The following PRKCB variants were observed in gnomAD, a reference collection of about 807,000 sequenced individuals.
PRKCB encodes the protein protein kinase C beta type.
In PRKCB, 13 loss-of-function variants were observed where a neutral mutation model predicts 81.5. That is an observed-to-expected ratio of 0.16 (90% confidence interval 0.10 to 0.25). The LOEUF is 0.25. Ranked by LOEUF, PRKCB falls within the 10% of genes least tolerant of loss-of-function variation. The probability of loss-of-function intolerance (pLI) is 1.00; values close to 1 mark genes in which losing one functional copy is unlikely to be tolerated. For synonymous variants in PRKCB, 335 were observed against 321.4 expected (o/e 1.04, Z -0.45); for missense variants, 509 against 875.7 (o/e 0.58, Z 5.29).
rs533108641 is a variant in PRKCB, at chr16:24,036,210, C to G, written c.529+663C>G. ...GGAGATGCAGTGAGAGGAGGAGCTG[C>G]TGGTGGTGGTGGTGGTGGTGGTGGT... On this transcript the variant is annotated intron_variant, in intron 5 of 16. Transcript: ENST00000643927. Among the ~76,000 whole-genome samples the G allele has an allele frequency of 2.6e-4, 39 of 151,094 alleles. No individual in the cohort carries two copies. The East Asian group carries it at 6.8e-3, about 26-fold the overall frequency.
At chr16:24,169,227 C>G (rs1182614022) in intron 10 of PRKCB, among the ~76,000 whole-genome samples, 2 of 152,284 alleles carry the variant, frequency 1.3e-5, no homozygotes, top group East Asian at 3.9e-4. Context: ...CCAGTAACTC[C>G]TGCTGCCTCG....
At chr16:23,850,153 CT>C (rs904968963) in intron 2 of PRKCB, among the ~76,000 whole-genome samples, 4 of 151,914 alleles carry the variant, frequency 2.6e-5, no homozygotes, top group South Asian at 2.1e-4. Context: ...TAATTTCTCT[CT>C]TTTTTTTAAA....
Position 23,836,030 on chromosome 16 carries a change from C to T in PRKCB, c.-146C>T. ...GAGTGACAGCCCCGGCTCCGCGCGC[C>T]GCGGCCGCCAGAGCCGGCGCAGGGG... On this transcript the variant is annotated 5_prime_UTR_variant, in exon 1 of 17. Transcript: ENST00000643927. The T allele has an allele frequency of 2.4e-6, 1 of 410,054 alleles. No homozygotes were observed. The highest frequency in any genetic ancestry group is 1.0e-4 in the South Asian group (1 of 10,030). 25.4% of individuals were successfully genotyped at this position (410,054 alleles called of 1,614,324 possible).
At chr16:24,024,877 G>C (rs1432751778) in intron 3 of PRKCB, among the ~76,000 whole-genome samples, 1 of 151,892 alleles carries the variant, frequency 6.6e-6, no homozygotes, top group African/African-American at 2.4e-5. Flanking sequence ...CGTGGAGGGA[G>C]TCATGAGGAC....
At chr16:24,164,851 G>A (rs536039516) in intron 10 of PRKCB, among the ~76,000 whole-genome samples, 1 of 152,278 alleles carries the variant, frequency 6.6e-6, no homozygotes, top group African/African-American at 2.4e-5. Context: ...ACTGAGTGTG[G>A]TGATAAGGAA....
At chr16:24,080,564 G>A (rs543133053) in intron 5 of PRKCB, among the ~76,000 whole-genome samples, 47 of 152,210 alleles carry the variant, frequency 3.1e-4, no homozygotes, top group East Asian at 2.3e-3. Context: ...TGAGTTTAGC[G>A]TACATATGGG....
intron 9 of PRKCB, among the ~76,000 whole-genome samples, chr16:24,141,384 C>T (rs439551): frequency 0.32 from 48,673 of 151,794 alleles, 7,998 homozygotes; most frequent in South Asian, 0.46. Flanking sequence ...TTAGTAGAGA[C>T]GGGGTTTCAC....
chr16:23,969,611 A>G (rs901585997), intron 2 of PRKCB, among the ~76,000 whole-genome samples: 14 of 152,222 alleles, frequency 9.2e-5, no homozygotes, highest in African/African-American at 3.4e-4. Context: ...AGAGCTTAAC[A>G]CAGTGTCTAA....
intron 8 of PRKCB, among the ~76,000 whole-genome samples, chr16:24,120,735 T>C (rs767605985): frequency 5.4e-4 from 54 of 100,036 alleles, no homozygotes; most frequent in Non-Finnish European, 9.5e-4. Context: ...ACTGAGTCCA[T>C]CATTTTTTTT....
intron 7 of PRKCB, among the ~76,000 whole-genome samples, chr16:24,104,898 C>T (rs914042984): frequency 2.6e-5 from 4 of 152,224 alleles, no homozygotes; most frequent in Middle Eastern, 3.4e-3. Context: ...CTGAAGAACA[C>T]GGGGAGCCAA....
In PRKCB at chr16:24,220,314, T is replaced by C. The variant is rs530936284; in HGVS notation, c.*5498T>C. 13 of 555,788 alleles carry C rather than the reference T, an allele frequency of 2.3e-5. 1 individual carries two copies. In the South Asian group the frequency reaches 2.9e-4, roughly 12 times the overall value. The allele number at this position is 555,788 out of a possible 1,614,324, so 34.4% of individuals were successfully genotyped here. ...AATGTTTAGTTTAGAATAAGCGCAT[T>C]ATCCAATTATAGAGGTACAATTTTC... On this transcript the variant is annotated 3_prime_UTR_variant, in exon 17 of 17. Coordinates refer to ENST00000643927, the MANE Select transcript of PRKCB (RefSeq NM_002738.7).
chr16:24,119,909 A>G (rs1158083793), intron 8 of PRKCB, among the ~76,000 whole-genome samples: 3 of 152,180 alleles, frequency 2.0e-5, no homozygotes, highest in African/African-American at 7.2e-5. Flanking sequence ...AAGTAAACTG[A>G]CCAAGTATAT....
At chr16:23,942,224 G>A (rs1166469234) in intron 2 of PRKCB, among the ~76,000 whole-genome samples, 1 of 152,248 alleles carries the variant, frequency 6.6e-6, no homozygotes, top group East Asian at 1.9e-4. Context: ...CTCTACTACA[G>A]AGGGAAGTGT....
At chr16:24,164,753 C>T (rs1453827389) in intron 10 of PRKCB, among the ~76,000 whole-genome samples, 2 of 152,150 alleles carry the variant, frequency 1.3e-5, no homozygotes, top group Admixed American at 1.3e-4. Flanking sequence ...TAGGAGAGAG[C>T]CAATCTGGAC....
At chr16:24,127,356 A>G (rs556471112) in intron 9 of PRKCB, among the ~76,000 whole-genome samples, 1 of 152,250 alleles carries the variant, frequency 6.6e-6, no homozygotes, top group Non-Finnish European at 1.5e-5. Context: ...TTAAGATTAT[A>G]TTAAAAGGAT....
intron 2 of PRKCB, among the ~76,000 whole-genome samples, chr16:23,987,506 C>A (rs1196518827): frequency 6.6e-6 from 1 of 152,052 alleles, no homozygotes; most frequent in African/African-American, 2.4e-5. Context: ...AGACTTGAAC[C>A]AATCATATTT....
intron 2 of PRKCB, among the ~76,000 whole-genome samples, chr16:23,866,718 G>A (rs1962796301): frequency 6.6e-6 from 1 of 152,142 alleles, no homozygotes; most frequent in Non-Finnish European, 1.5e-5. Flanking sequence ...TAGCCCTGGG[G>A]TATACACGAT....
chr16:24,124,844 C>G (rs1360456073), intron 9 of PRKCB, among the ~76,000 whole-genome samples: 1 of 152,158 alleles, frequency 6.6e-6, no homozygotes, highest in Non-Finnish European at 1.5e-5. Context: ...CCTGTATTCC[C>G]ACTGTTCCTG....
intron 16 of PRKCB, among the ~76,000 whole-genome samples, chr16:24,203,965 A>G (rs950499493): frequency 3.3e-5 from 5 of 151,858 alleles, no homozygotes; most frequent in African/African-American, 1.2e-4. Context: ...TTTCTGTTCT[A>G]TGTCTAAAGT....
Sources: gnomAD v4.1 joint callset for allele counts (sites outside exome capture counted in the v4.1 genomes callset) on GRCh38, gnomAD v4.1.1 for gene constraint, MANE v1.5 for transcripts, NCBI Gene and HGNC (gene_info 2026-07-23, HGNC 2026-07-21) for gene names.